Variants in DAB1 observed in about 807,000 individuals in gnomAD.
DAB1 encodes the protein DAB adaptor protein 1, also known as disabled homolog 1.
In DAB1, 15 loss-of-function variants were observed where a neutral mutation model predicts 64.6. The ratio of observed to expected loss-of-function variants is 0.23; its 90% CI spans 0.16 to 0.36. The LOEUF is 0.36. DAB1 is among the 10% of genes least tolerant of loss of function. DAB1 has a pLI of 1.00. For missense variants in DAB1, 596 were observed against 706.7 expected (o/e 0.84, Z 1.78); for synonymous variants, 235 against 251.9 (o/e 0.93, Z 0.64).
At chr1:57,473,745 C>T (rs1037050280) in intron 7 of DAB1, among the ~76,000 whole-genome samples, 1 of 152,196 alleles carries the variant, frequency 6.6e-6, no homozygotes, top group Non-Finnish European at 1.5e-5. Context: ...GCCATCTATG[C>T]ATCCGATCTG....
At chr1:58,355,925 C>T (rs891373011) in intron 3 of DAB1, among the ~76,000 whole-genome samples, 1 of 152,188 alleles carries the variant, frequency 6.6e-6, no homozygotes, top group Non-Finnish European at 1.5e-5. Flanking sequence ...AGCTACCAAT[C>T]CCTCTAATCT....
At chr1:57,715,730 G>A (rs1045940143) in intron 6 of DAB1, among the ~76,000 whole-genome samples, 1 of 151,364 alleles carries the variant, frequency 6.6e-6, no homozygotes, top group Admixed American at 6.6e-5. Flanking sequence ...AGCCAAAGAG[G>A]TAAAAAAAGA....
intron 6 of DAB1, among the ~76,000 whole-genome samples, chr1:57,767,197 C>T (rs1178044222): frequency 1.3e-5 from 2 of 152,122 alleles, no homozygotes; most frequent in Non-Finnish European, 2.9e-5. Flanking sequence ...CCTTTAGTCA[C>T]CTGGTTGGAT....
chr1:58,150,844 C>T (rs1416758310), intron 4 of DAB1, among the ~76,000 whole-genome samples: 1 of 152,090 alleles, frequency 6.6e-6, no homozygotes. Context: ...CCCCCACCGT[C>T]CCCTCACCCC....
intron 7 of DAB1, among the ~76,000 whole-genome samples, chr1:57,472,782 G>A (rs1461689320): frequency 1.3e-5 from 2 of 152,180 alleles, no homozygotes; most frequent in African/African-American, 4.8e-5. Context: ...TTTAACTCAT[G>A]TCTGAGGAGT....
intron 3 of DAB1, among the ~76,000 whole-genome samples, chr1:58,489,564 T>G (rs1488144592): frequency 6.6e-6 from 1 of 152,218 alleles, no homozygotes; most frequent in Non-Finnish European, 1.5e-5. Flanking sequence ...CAGACTTAAA[T>G]GTCCCTGTCT....
intron 2 of DAB1, among the ~76,000 whole-genome samples, chr1:57,277,524 G>C (rs370341951): frequency 6.6e-6 from 1 of 152,170 alleles, no homozygotes; most frequent in Non-Finnish European, 1.5e-5. Context: ...ACCTTAGCAA[G>C]TTGCACGATT....
intron 5 of DAB1, among the ~76,000 whole-genome samples, chr1:57,992,655 G>T (rs1391368948): frequency 6.6e-6 from 1 of 151,992 alleles, no homozygotes; most frequent in Non-Finnish European, 1.5e-5. Context: ...TCTCACTCTG[G>T]GTCCTGTCCT....
chr1:58,127,874 A>G (rs1272014946), intron 5 of DAB1, among the ~76,000 whole-genome samples: 1 of 152,132 alleles, frequency 6.6e-6, no homozygotes, highest in African/African-American at 2.4e-5. Context: ...CTTGTAGTAT[A>G]GTTTGAAGTC....
At chr1:58,459,632 T>C (rs994371720) in intron 3 of DAB1, among the ~76,000 whole-genome samples, 1 of 152,260 alleles carries the variant, frequency 6.6e-6, no homozygotes, top group Non-Finnish European at 1.5e-5. Flanking sequence ...CTTTTTATAA[T>C]GTAATTTCAC....
chr1:57,620,124 G>A (rs79011181), intron 7 of DAB1, among the ~76,000 whole-genome samples: 3 of 152,248 alleles, frequency 2.0e-5, no homozygotes, highest in East Asian at 1.9e-4. Flanking sequence ...GTTTTCAGGG[G>A]TAGCAAAAAT....
intron 7 of DAB1, among the ~76,000 whole-genome samples, chr1:57,596,788 C>A (rs1024280226): frequency 1.3e-5 from 2 of 152,198 alleles, no homozygotes; most frequent in African/African-American, 4.8e-5. Context: ...TCTCCAGCAC[C>A]AAACACAGCG....
intron 7 of DAB1, among the ~76,000 whole-genome samples, chr1:57,435,046 C>CTTTTTTTTTTTTT (rs71580850): frequency 2.6e-3 from 242 of 93,038 alleles, no homozygotes; most frequent in Non-Finnish European, 3.5e-3. Flanking sequence ...TTCTTTTTTT[C>CTTTTTTTTTTTTT]TTTTTTTTTT....
rs368766880 is a variant in DAB1 at position 57,335,199 on chromosome 1, A to ATT, written c.-136-44035_-136-44034dup. 3.3e-3 allele frequency among the ~76,000 whole-genome samples: 497 copies of ATT among 149,848 alleles called. 1 individual carries two copies. Among genetic ancestry groups the ATT allele is most frequent in the African/African-American group, 0.012 (477 of 40,832 alleles). On this transcript the variant is annotated intron_variant, in intron 1 of 14. Coordinates refer to ENST00000371236, the MANE Select transcript of DAB1 (RefSeq NM_001365792.1). ...AAATACAGCTATGTGAGATCTGGAC[A>ATT]TTTTTTTTTTAAGGCACAGTGTTAA...
intron 5 of DAB1, chr1:58,074,452 G>T (rs1649466005): frequency 7.6e-6 from 1 of 130,746 alleles, no homozygotes. Flanking sequence ...TCTACTAGTT[G>T]GTAAAAAAAA....
At chr1:57,141,105 G>A (rs977878041) in intron 3 of DAB1, among the ~76,000 whole-genome samples, 7 of 152,082 alleles carry the variant, frequency 4.6e-5, no homozygotes, top group South Asian at 4.1e-4. Flanking sequence ...TAATAAGCCC[G>A]GTCTCCATTC....
chr1:58,184,217 T>C (rs1451222604), intron 4 of DAB1, among the ~76,000 whole-genome samples: 1 of 151,472 alleles, frequency 6.6e-6, no homozygotes, highest in East Asian at 1.9e-4. Context: ...TGCCTACAGA[T>C]ATAAATCACA....
intron 14 of DAB1, among the ~76,000 whole-genome samples, chr1:56,999,897 A>G (rs772588463): frequency 2.0e-5 from 3 of 152,198 alleles, no homozygotes; most frequent in Non-Finnish European, 4.4e-5. Flanking sequence ...TTGTCCCTCC[A>G]TGCCTTCTGC....
chr1:58,263,423 C>T (rs978399921), intron 4 of DAB1, among the ~76,000 whole-genome samples: 3 of 151,714 alleles, frequency 2.0e-5, no homozygotes, highest in Non-Finnish European at 4.4e-5. Flanking sequence ...TAGATAATGT[C>T]CTGTTCATCT....
Sources: allele counts gnomAD v4.1 joint callset (sites outside exome capture counted in the v4.1 genomes callset), GRCh38; gene constraint gnomAD v4.1.1; transcripts MANE v1.5; gene names NCBI Gene and HGNC (gene_info 2026-07-23, HGNC 2026-07-21).